Variants in SLC25A12 observed in about 807,000 individuals in gnomAD.
SLC25A12 encodes electrogenic aspartate/glutamate antiporter SLC25A12, mitochondrial.
In SLC25A12, 32 loss-of-function variants were observed where a neutral mutation model predicts 83.3. The observed-to-expected ratio is 0.38, with a 90% CI of 0.29 to 0.52. SLC25A12 has a LOEUF of 0.52. Among genes scored for constraint, SLC25A12 ranks in the 20% least tolerant of loss-of-function variants. The pLI, the probability that SLC25A12 is intolerant of heterozygous loss-of-function variation, is 0.84. For synonymous variants in SLC25A12, 267 were observed against 291.1 expected (o/e 0.92, Z 0.84); for missense variants, 611 against 835.6 (o/e 0.73, Z 3.31).
At chr2:171,831,210 C>A (rs879500936) in intron 8 of SLC25A12, among the ~76,000 whole-genome samples, 3 of 152,186 alleles carry the variant, frequency 2.0e-5, no homozygotes, top group Non-Finnish European at 4.4e-5. Context: ...CCTAAGGGAG[C>A]CTGGGACTCC....
chr2:171,890,772 T>C (rs574852129), intron 2 of SLC25A12, among the ~76,000 whole-genome samples: 49 of 152,250 alleles, frequency 3.2e-4, no homozygotes, highest in Non-Finnish European at 4.9e-4. Context: ...TGTGAGCTAC[T>C]GCACTCAGCC....
At chr2:171,802,559 G>A (rs1241621933) in intron 13 of SLC25A12, among the ~76,000 whole-genome samples, 3 of 152,118 alleles carry the variant, frequency 2.0e-5, no homozygotes, top group African/African-American at 4.8e-5. Flanking sequence ...GGTGGATCAC[G>A]AGGTCAGAAG....
chr2:171,890,293 T>C (rs1282578119), intron 2 of SLC25A12, among the ~76,000 whole-genome samples: 1 of 152,258 alleles, frequency 6.6e-6, no homozygotes, highest in Non-Finnish European at 1.5e-5. Context: ...ATTTTTGTCT[T>C]CTATTATAGC....
intron 3 of SLC25A12, among the ~76,000 whole-genome samples, chr2:171,860,627 C>A (rs1173546035): frequency 3.3e-5 from 5 of 151,660 alleles, no homozygotes; most frequent in Non-Finnish European, 7.4e-5. Context: ...AACAAAAAAC[C>A]CTCAAAACAA....
chr2:171,881,396 G>C (rs1356178732), intron 2 of SLC25A12, among the ~76,000 whole-genome samples: 2 of 152,086 alleles, frequency 1.3e-5, no homozygotes, highest in East Asian at 3.9e-4. Context: ...AGGTGATCCA[G>C]CCGCCTCGGC....
intron 3 of SLC25A12, among the ~76,000 whole-genome samples, chr2:171,865,949 G>A (rs1461409816): frequency 6.7e-6 from 1 of 148,324 alleles, no homozygotes; most frequent in Non-Finnish European, 1.5e-5. Context: ...ATAAACAAGT[G>A]AACAAAGGTC....
intron 8 of SLC25A12, among the ~76,000 whole-genome samples, chr2:171,828,615 G>A (rs957748949): frequency 1.1e-4 from 16 of 152,150 alleles, no homozygotes; most frequent in Admixed American, 3.3e-4. Flanking sequence ...CTCTCTTGTC[G>A]AGGGCCTGAG....
chr2:171,844,111 A>G (rs1486189148), intron 5 of SLC25A12, among the ~76,000 whole-genome samples: 1 of 152,190 alleles, frequency 6.6e-6, no homozygotes, highest in Non-Finnish European at 1.5e-5. Context: ...CTAATCTTCT[A>G]TAGTTAGGAT....
At position 171,787,600 on chromosome 2, in the gene SLC25A12, C is replaced by G; in HGVS notation, c.1806G>C (p.Gln602His). The G allele has an allele frequency of 1.9e-6, 3 of 1,614,110 alleles. No homozygotes were observed. Among genetic ancestry groups the G allele is most frequent in the Non-Finnish European group, 2.5e-6 (3 of 1,179,972 alleles). ...GVTLVTYELL[Q>H]RWFYIDFGGL... ...CTCCAAAATCAATGTAAAACCACCG[C>G]TGGAGAAGTTCATAAGTGACCAAGG... The change falls in exon 17 of 18, where the codon CAG becomes CAC. Residue 602 changes from glutamine (Q) to histidine (H), a missense_variant. Around this residue, in one of 3 missense-constraint regions of SLC25A12, gnomAD observed 540 missense variants for 777.5 expected, o/e 0.69. Coordinates refer to ENST00000422440, the MANE Select transcript of SLC25A12 (RefSeq NM_003705.5).
At chr2:171,829,501 T>G (rs1212671204) in intron 8 of SLC25A12, among the ~76,000 whole-genome samples, 1 of 152,044 alleles carries the variant, frequency 6.6e-6, no homozygotes, top group Non-Finnish European at 1.5e-5. Context: ...ACCCAAGAGC[T>G]AAAACCAAGG....
chr2:171,867,532 G>GA (rs1685360947), intron 3 of SLC25A12, among the ~76,000 whole-genome samples: 2 of 152,174 alleles, frequency 1.3e-5, no homozygotes, highest in Admixed American at 6.5e-5. Context: ...TGAGGCAGGA[G>GA]AATCAGGCAG....
At position 171,785,006 on chromosome 2, in the gene SLC25A12, C is replaced by T. The variant is rs940685644; in HGVS notation, c.*268G>A. 1.2e-5 allele frequency: 5 copies of T among 418,124 alleles called. No homozygotes were observed. The highest frequency in any genetic ancestry group is 1.0e-4 in the African/African-American group (5 of 49,366). 25.9% of individuals were successfully genotyped at this position (418,124 alleles called of 1,614,324 possible). On this transcript the variant is annotated 3_prime_UTR_variant, in exon 18 of 18. Coordinates refer to ENST00000422440, the MANE Select transcript of SLC25A12 (RefSeq NM_003705.5). Reference sequence around the variant, plus strand: ...TATGTACAATCACTGTAAGTGCAAGCTGTGCAAAGCAGAGTCTAGAACACT... The same window carrying T: ...TATGTACAATCACTGTAAGTGCAAGTTGTGCAAAGCAGAGTCTAGAACACT...
chr2:171,785,678 CA>C (rs1558904295), intron 17 of SLC25A12, among the ~76,000 whole-genome samples: 3 of 152,184 alleles, frequency 2.0e-5, no homozygotes, highest in Admixed American at 6.5e-5. Context: ...ATTTGATTTA[CA>C]AGAGAAATGG....
chr2:171,868,311 AT>A (rs71013084), intron 3 of SLC25A12, among the ~76,000 whole-genome samples: 59 of 129,502 alleles, frequency 4.6e-4, no homozygotes, highest in African/African-American at 8.2e-4. Flanking sequence ...GGGTTTTTTA[AT>A]TTTTTTTTTT....
intron 5 of SLC25A12, among the ~76,000 whole-genome samples, chr2:171,838,434 T>G (rs1684602882): frequency 6.6e-6 from 1 of 152,196 alleles, no homozygotes; most frequent in African/African-American, 2.4e-5. Context: ...ATGGCAAAGA[T>G]ATTCCTAAAT....
chr2:171,810,105 C>A (rs971326139), intron 12 of SLC25A12, 119 bp downstream of exon 12: 2 of 842,548 alleles, frequency 2.4e-6, no homozygotes, highest in Non-Finnish European at 2.1e-6. Flanking sequence ...AAGTGATCCT[C>A]CCACCACCCA....
intron 8 of SLC25A12, among the ~76,000 whole-genome samples, chr2:171,830,993 CT>C (rs1684419195): frequency 6.6e-6 from 1 of 152,208 alleles, no homozygotes; most frequent in African/African-American, 2.4e-5. Context: ...GGCAGGAAAC[CT>C]GTTGGTGAAG....
At chr2:171,893,434 G>T (rs1685987260) in intron 1 of SLC25A12, among the ~76,000 whole-genome samples, 176 bp from the exon 2 acceptor site, 1 of 152,182 alleles carries the variant, frequency 6.6e-6, no homozygotes, top group African/African-American at 2.4e-5. Flanking sequence ...ACTGTGACTA[G>T]AGGGCAGAAA....
chr2:171,831,125 TTTTG>T (rs1184340846), intron 8 of SLC25A12, among the ~76,000 whole-genome samples: 2 of 152,212 alleles, frequency 1.3e-5, no homozygotes, highest in Non-Finnish European at 2.9e-5. Flanking sequence ...TTTACAACAG[TTTTG>T]TTTTTCTTCT....
Sources: gnomAD v4.1 joint callset for allele counts (sites outside exome capture counted in the v4.1 genomes callset) on GRCh38, gnomAD v4.1.1 for gene constraint, gnomAD v4.1.1 regional missense constraint, MANE v1.5 for transcripts, NCBI Gene and HGNC (gene_info 2026-07-23, HGNC 2026-07-21) for gene names.